The following MICALL2 variants were observed in gnomAD, a reference collection of about 807,000 sequenced individuals.
MICALL2 encodes MICAL like 2, also known as MICAL-like protein 2.
MICALL2 carries 111 observed loss-of-function variants against 91.1 expected under a neutral mutation model. The observed-to-expected ratio is 1.22, with a 90% CI of 1.04 to 1.43. MICALL2 has a LOEUF of 1.43. Among genes scored for constraint, MICALL2 ranks in the 40% most tolerant of loss-of-function variants. MICALL2 has a pLI of 0.00. For synonymous variants in MICALL2, 694 were observed against 525.3 expected (o/e 1.32, Z -4.39); for missense variants, 1,556 against 1,236.0 (o/e 1.26, Z -3.88).
At chr7:1,450,860 C>T (rs935803894) in intron 1 of MICALL2, among the ~76,000 whole-genome samples, 1 of 152,222 alleles carries the variant, frequency 6.6e-6, no homozygotes, top group Non-Finnish European at 1.5e-5. Context: ...TTCTGTTCAC[C>T]CTGCAGTGAA....
At chr7:1,444,556 G>A (rs1370366113) in intron 6 of MICALL2, 96 bp downstream of exon 6, 1 of 1,221,800 alleles carries the variant, frequency 8.2e-7, no homozygotes, top group African/African-American at 1.5e-5. Context: ...CACACAGCCA[G>A]GGAGGTGCAG....
chr7:1,459,388 C>A lies in MICALL2; in HGVS notation c.-62G>T. On this transcript the variant is annotated 5_prime_UTR_variant, in exon 1 of 17. Transcript: ENST00000297508. ...CCGACACCTTCCCGCGGCTGTGCCGCGACCGCCCGGCCGGCGGGACAGACG... is the reference window on the plus strand; with the variant it reads ...CCGACACCTTCCCGCGGCTGTGCCGAGACCGCCCGGCCGGCGGGACAGACG... The A allele has an allele frequency of 7.3e-7, 1 of 1,361,728 alleles. No homozygotes were observed. The highest frequency in any genetic ancestry group is 9.5e-7 in the Non-Finnish European group (1 of 1,056,046). The allele number at this position is 1,361,728 out of a possible 1,614,324, so 84.4% of individuals were successfully genotyped here.
rs1245717214 is a variant in MICALL2 at position 1,437,707 on chromosome 7, C to G, written c.2403-99G>C. ...AGGTCCTGGACCTGCCACACAGACA[C>G]GAGTCTGAGGCCTGACTCGCCGCCC... On this transcript the variant is annotated intron_variant, in intron 13 of 16. Coordinates refer to ENST00000297508, the MANE Select transcript of MICALL2 (RefSeq NM_182924.4). The G allele has an allele frequency of 1.1e-5, 15 of 1,356,522 alleles. No individual in the cohort carries two copies. In the East Asian group the frequency reaches 3.8e-4, roughly 34 times the overall value. The allele number at this position is 1,356,522 out of a possible 1,614,324, so 84.0% of individuals were successfully genotyped here. A position where few individuals can be genotyped will look rare whatever the true frequency, so the allele number is the denominator to read the frequency against.
intron 6 of MICALL2, among the ~76,000 whole-genome samples, chr7:1,443,653 G>A (rs1780419757): frequency 6.6e-6 from 1 of 152,174 alleles, no homozygotes; most frequent in African/African-American, 2.4e-5. Flanking sequence ...ACAGAGAGAA[G>A]GCCACATGGA....
chr7:1,436,113 G>C (rs1779954611), intron 15 of MICALL2, among the ~76,000 whole-genome samples: 1 of 151,618 alleles, frequency 6.6e-6, no homozygotes, highest in East Asian at 1.9e-4. Context: ...TTTACGGCCA[G>C]TTACGGTGGC....
intron 2 of MICALL2, among the ~76,000 whole-genome samples, chr7:1,449,421 T>C (rs1482315283): frequency 6.6e-6 from 1 of 152,244 alleles, no homozygotes; most frequent in Non-Finnish European, 1.5e-5. Flanking sequence ...GCAATTCTCC[T>C]GCCTCAGCCT....
rs547479132 is a variant in MICALL2, at chr7:1,452,772, C to T, written c.144-2484G>A. On this transcript the variant is annotated intron_variant, in intron 1 of 16. Transcript: ENST00000297508. The surrounding 1 kb of genome is among the most constrained non-coding windows in gnomAD (Gnocchi z 6.2). ...GCCCACACGGCACAGGTCTGGGCTG[C>T]GAGTTCAAGCATCGCGGCCTCAGGA... 1.8e-4 allele frequency among the ~76,000 whole-genome samples: 28 copies of T among 152,270 alleles called. No homozygotes were observed. The highest frequency in any genetic ancestry group is 3.1e-4 in the African/African-American group (13 of 41,552).
In MICALL2 at chr7:1,447,002, G is replaced by C. The variant is rs957625161; in HGVS notation, c.526-174C>G. ...CCAGGTGGGTGGCAGCCCCAGTCCA[G>C]GGCCTCTAGCCCAGCCCTGGGGAGA... is the stretch of plus-strand genomic sequence containing the variant. On this transcript the variant is annotated intron_variant, in intron 4 of 16. Coordinates refer to ENST00000297508, the MANE Select transcript of MICALL2 (RefSeq NM_182924.4). Among the ~76,000 whole-genome samples, 2 of 152,142 alleles carry C rather than the reference G, an allele frequency of 1.3e-5. 1 individual carries two copies. Among genetic ancestry groups the C allele is most frequent in the Non-Finnish European group, 2.9e-5 (2 of 68,002 alleles).
chr7:1,445,430 T>C lies in MICALL2; in HGVS notation c.642-2A>G. 6.6e-7 allele frequency: 1 copy of C among 1,526,504 alleles called. No homozygotes were observed. 94.6% of individuals were successfully genotyped at this position (1,526,504 alleles called of 1,614,324 possible). A position where few individuals can be genotyped will look rare whatever the true frequency, so the allele number is the denominator to read the frequency against. ...AGCGTGCAGGAGCACTGCTTACACCTGGGGGAGGAAAGGCACAGGAGCCCC... is the reference window on the plus strand; with the variant it reads ...AGCGTGCAGGAGCACTGCTTACACCCGGGGGAGGAAAGGCACAGGAGCCCC... On this transcript the variant is annotated splice_acceptor_variant, in intron 5 of 16. Transcript: ENST00000297508. LOFTEE classifies it high-confidence loss of function.
intron 5 of MICALL2, among the ~76,000 whole-genome samples, chr7:1,445,954 A>G (rs1780555702): frequency 6.6e-6 from 1 of 151,106 alleles, no homozygotes; most frequent in African/African-American, 2.4e-5. Context: ...ACCAGTGGGA[A>G]GGGCTGAGGC....
rs938238329 is a variant in MICALL2 at position 1,459,459 on chromosome 7, C to T, written c.-133G>A. On this transcript the variant is annotated 5_prime_UTR_variant, in exon 1 of 17. Coordinates refer to ENST00000297508, the MANE Select transcript of MICALL2 (RefSeq NM_182924.4). Reference sequence around the variant, plus strand: ...CCAGACCCACGGCGCCCAGCCCCAGCTGAGCCGGACTGAGGGCGACGAGTG... The same window carrying T: ...CCAGACCCACGGCGCCCAGCCCCAGTTGAGCCGGACTGAGGGCGACGAGTG... The T allele has an allele frequency of 1.8e-5, 14 of 796,614 alleles. No individual in the cohort carries two copies. Among genetic ancestry groups the T allele is most frequent in the Non-Finnish European group, 2.5e-5 (14 of 567,506 alleles). 49.3% of individuals were successfully genotyped at this position (796,614 alleles called of 1,614,324 possible).
intron 5 of MICALL2, 37 bp downstream of exon 5, chr7:1,446,676 G>A (rs538101927): frequency 6.9e-6 from 10 of 1,457,164 alleles, no homozygotes; most frequent in Non-Finnish European, 9.4e-6. Flanking sequence ...GGGAGGGGAG[G>A]TGCACACTCA....
In MICALL2 at chr7:1,434,510, C is replaced by G. The variant is rs1236420176; in HGVS notation, c.*86G>C. ...CGAGCCCACGGCCCCGAGTACAAGTCCGGGTTCCGGGTCCGGGCCAAGCCC... is the reference window on the plus strand; with the variant it reads ...CGAGCCCACGGCCCCGAGTACAAGTGCGGGTTCCGGGTCCGGGCCAAGCCC... On this transcript the variant is annotated 3_prime_UTR_variant, in exon 17 of 17. Transcript: ENST00000297508. The G allele has an allele frequency of 4.9e-6, 6 of 1,236,208 alleles. No individual in the cohort carries two copies. The highest frequency in any genetic ancestry group is 1.5e-5 in the African/African-American group (1 of 68,034). The allele number at this position is 1,236,208 out of a possible 1,614,324, so 76.6% of individuals were successfully genotyped here.
chr7:1,445,739 C>G lies in MICALL2; in HGVS notation c.642-311G>C, dbSNP rs1379398267. On this transcript the variant is annotated intron_variant, in intron 5 of 16. Transcript: ENST00000297508. ...GAGGGTGCTTGTGCAGGTCAGCAGA[C>G]ACACACCCACAGGCCACCCCAGGCC... 2.0e-5 allele frequency among the ~76,000 whole-genome samples: 3 copies of G among 152,330 alleles called. No homozygotes were observed. The East Asian group carries it at 5.8e-4, about 30-fold the overall frequency.
chr7:1,438,278 C>A lies in MICALL2; in HGVS notation c.2187+11G>T. On this transcript the variant is annotated intron_variant, in intron 11 of 16. Coordinates refer to ENST00000297508, the MANE Select transcript of MICALL2 (RefSeq NM_182924.4). ...GGCTGGGCCCCTGCCCGGCTCCCCA[C>A]CACTACTCACCCTGACTGGGGAGGT... 6.3e-7 allele frequency: 1 copy of A among 1,593,908 alleles called. No individual in the cohort carries two copies. The highest frequency in any genetic ancestry group is 8.5e-7 in the Non-Finnish European group (1 of 1,170,688).
At chr7:1,436,190 G>C (rs1779957224) in intron 15 of MICALL2, among the ~76,000 whole-genome samples, 1 of 152,018 alleles carries the variant, frequency 6.6e-6, no homozygotes. Flanking sequence ...AGGAGTTCAA[G>C]ACCAGCCTAG....
intron 3 of MICALL2, 129 bp downstream of exon 3, chr7:1,448,491 T>TG: frequency 1.2e-6 from 1 of 827,156 alleles, no homozygotes; most frequent in South Asian, 1.5e-5. Flanking sequence ...ACAGCCCCGG[T>TG]GCCCATGCCA....
Position 1,442,374 on chromosome 7 carries a change from A to G in MICALL2, c.1529T>C (p.Leu510Pro). The G allele has an allele frequency of 6.2e-7, 1 of 1,611,150 alleles. No homozygotes were observed. The highest frequency in any genetic ancestry group is 8.5e-7 in the Non-Finnish European group (1 of 1,178,472). Residue 510 changes from leucine (L) to proline (P), a missense_variant, in exon 7 of 17, where the codon CTC becomes CCC. By Grantham distance (98) the Leu-to-Pro change is moderately conservative. Coordinates refer to ENST00000297508, the MANE Select transcript of MICALL2 (RefSeq NM_182924.4). ...GGCTGGCGGTTCCATCCTCGAAGGG[A>G]GGCCAAGCACCCGGGGAGACGAGGA... ...LQSSSPRVLG[L>P]PSRMEPPAPL...
In MICALL2 at chr7:1,452,456, C is replaced by T. The variant is rs372616577; in HGVS notation, c.144-2168G>A. 1.3e-5 allele frequency among the ~76,000 whole-genome samples: 2 copies of T among 152,160 alleles called. No homozygotes were observed. Among genetic ancestry groups the T allele is most frequent in the Admixed American group, 6.5e-5 (1 of 15,292 alleles). ...CCCCGCCCCCAGCCCTTTGAAAGCTCAAGCTCTTCTGCAGACCTTCCCTAG... is the reference window on the plus strand; with the variant it reads ...CCCCGCCCCCAGCCCTTTGAAAGCTTAAGCTCTTCTGCAGACCTTCCCTAG... On this transcript the variant is annotated intron_variant, in intron 1 of 16. Coordinates refer to ENST00000297508, the MANE Select transcript of MICALL2 (RefSeq NM_182924.4). This position sits in a 1 kb window ranked among gnomAD's most constrained non-coding sequence, Gnocchi z 6.2.
Sources: gnomAD v4.1 joint callset for allele counts (sites outside exome capture counted in the v4.1 genomes callset) on GRCh38, gnomAD v4.1.1 for gene constraint, Gnocchi (gnomAD v3.1) non-coding constraint, MANE v1.5 for transcripts, NCBI Gene and HGNC (gene_info 2026-07-23, HGNC 2026-07-21) for gene names.